Variants in TMSB10 observed in about 807,000 individuals in gnomAD.
TMSB10 encodes thymosin beta 10.
In TMSB10, 4 loss-of-function variants were observed where a neutral mutation model predicts 4.5. The ratio of observed to expected loss-of-function variants is 0.89; its 90% CI spans 0.44 to 2.03. TMSB10 has a LOEUF of 2.03. Ranked by LOEUF, TMSB10 falls within the 30% of genes most tolerant of loss-of-function variation. The pLI, the probability that TMSB10 is intolerant of heterozygous loss-of-function variation, is 0.03. For synonymous variants in TMSB10, 17 were observed against 20.3 expected (o/e 0.84, Z 0.44); for missense variants, 44 against 53.9 (o/e 0.82, Z 0.57).
In TMSB10 at chr2:84,906,215, G is replaced by C. The variant is rs576529499; in HGVS notation, c.100+98G>C. 26 of 1,464,092 alleles carry C rather than the reference G, an allele frequency of 1.8e-5. No homozygotes were observed. The Admixed American group carries it at 4.2e-4, about 24-fold the overall frequency. The allele number at this position is 1,464,092 out of a possible 1,614,324, so 90.7% of individuals were successfully genotyped here. ...ACCCCCCACCCCGCCGTTGTCCCCG[G>C]TGTGGGCGGCCCCGGCCACTCTTTC... On this transcript the variant is annotated intron_variant, in intron 2 of 2. Coordinates refer to ENST00000233143, the MANE Select transcript of TMSB10 (RefSeq NM_021103.4).
At chr2:84,905,822 G>T (rs1479574540) in intron 1 of TMSB10, 104 bp downstream of exon 1, 2 of 452,156 alleles carry the variant, frequency 4.4e-6, no homozygotes, top group Non-Finnish European at 7.9e-6. Flanking sequence ...CGGACCGGAC[G>T]CAGGGGCCGG....
At chr2:84,905,884 G>T (rs1683683997) in intron 1 of TMSB10, 119 bp from the exon 2 acceptor site, 2 of 748,616 alleles carry the variant, frequency 2.7e-6, no homozygotes, top group Admixed American at 2.9e-5. Context: ...CCAGATCCTC[G>T]GCCTTGGGGC....
Position 84,906,610 on chromosome 2 carries a change from G to T in TMSB10, c.*187G>T. The T allele has an allele frequency of 1.9e-6, 1 of 523,038 alleles. No individual in the cohort carries two copies. Among genetic ancestry groups the T allele is most frequent in the Non-Finnish European group, 3.2e-6 (1 of 309,416 alleles). 32.4% of individuals were successfully genotyped at this position (523,038 alleles called of 1,614,324 possible). A position where few individuals can be genotyped will look rare whatever the true frequency, so the allele number is the denominator to read the frequency against. On this transcript the variant is annotated 3_prime_UTR_variant, in exon 3 of 3. Coordinates refer to ENST00000233143, the MANE Select transcript of TMSB10 (RefSeq NM_021103.4). ...ATCGGACTGCCAAATTCTCCGGTTT[G>T]CCCCGGGATATTATAGAAAATTATT...
intron 1 of TMSB10, 61 bp from the exon 2 acceptor site, chr2:84,905,942 G>A (rs1683684901): frequency 2.1e-6 from 3 of 1,438,800 alleles, no homozygotes; most frequent in African/African-American, 1.4e-5. Context: ...GCGTCGGCGG[G>A]GAGCGCGGAA....
In TMSB10 at chr2:84,906,522, G is replaced by A; in HGVS notation, c.*99G>A. ...ATGGACACGAGCCACAAGCTGCACT[G>A]TGAACCTGGGCACTCCGCGCCGATG... is the stretch of plus-strand genomic sequence containing the variant. On this transcript the variant is annotated 3_prime_UTR_variant, in exon 3 of 3. Coordinates refer to ENST00000233143, the MANE Select transcript of TMSB10 (RefSeq NM_021103.4). The A allele has an allele frequency of 7.0e-7, 1 of 1,424,692 alleles. No individual in the cohort carries two copies. The highest frequency in any genetic ancestry group is 9.5e-7 in the Non-Finnish European group (1 of 1,057,224). The allele number at this position is 1,424,692 out of a possible 1,614,324, so 88.3% of individuals were successfully genotyped here.
At position 84,905,700 on chromosome 2, in the gene TMSB10, C is replaced by G. The variant is rs1038165079; in HGVS notation, c.-34C>G. Reference sequence around the variant, plus strand: ...CGAGTGGGAGCACCAGGATCTCGGGCTCGGAACGAGACTGCACGGTGAGTG... The same window carrying G: ...CGAGTGGGAGCACCAGGATCTCGGGGTCGGAACGAGACTGCACGGTGAGTG... On this transcript the variant is annotated 5_prime_UTR_variant, in exon 1 of 3. Coordinates refer to ENST00000233143, the MANE Select transcript of TMSB10 (RefSeq NM_021103.4). 3 of 197,956 alleles carry G rather than the reference C, an allele frequency of 1.5e-5. No homozygotes were observed. The highest frequency in any genetic ancestry group is 3.1e-5 in the Non-Finnish European group (3 of 97,120). 12.3% of individuals were successfully genotyped at this position (197,956 alleles called of 1,614,324 possible).
Position 84,906,477 on chromosome 2 carries a change from G to A in TMSB10, c.*54G>A, listed in dbSNP as rs893583895. The A allele has an allele frequency of 1.3e-6, 2 of 1,557,442 alleles. No individual in the cohort carries two copies. The highest frequency in any genetic ancestry group is 1.4e-5 in the African/African-American group (1 of 73,784). The stretch of plus-strand genomic sequence containing the variant: ...TCTTCGAGACCCCAGTCGTGATGTG[G>A]AGGAAGAGCCACCTGCAAGATGGAC... On this transcript the variant is annotated 3_prime_UTR_variant, in exon 3 of 3. Transcript: ENST00000233143.
intron 2 of TMSB10, 60 bp downstream of exon 2, chr2:84,906,177 A>C (rs1017988669): frequency 1.3e-6 from 2 of 1,541,268 alleles, no homozygotes; most frequent in Non-Finnish European, 1.8e-6. Flanking sequence ...CTTCCTTGCA[A>C]ACCCACTCCT....
In TMSB10 at chr2:84,906,579, C is replaced by T. The variant is rs1234210630; in HGVS notation, c.*156C>T. 5.5e-5 allele frequency: 37 copies of T among 678,700 alleles called. No homozygotes were observed. The highest frequency in any genetic ancestry group is 7.9e-5 in the Non-Finnish European group (36 of 455,758). The allele number at this position is 678,700 out of a possible 1,614,324, so 42.0% of individuals were successfully genotyped here. ...GCCTGTGGGTCTCTGAAGGGACCCCCCCCCAATCGGACTGCCAAATTCTCC... is the reference window on the plus strand; with the variant it reads ...GCCTGTGGGTCTCTGAAGGGACCCCTCCCCAATCGGACTGCCAAATTCTCC... On this transcript the variant is annotated 3_prime_UTR_variant, in exon 3 of 3. Transcript: ENST00000233143.
At position 84,906,540 on chromosome 2, in the gene TMSB10, C is replaced by A; in HGVS notation, c.*117C>A. 8.2e-7 allele frequency: 1 copy of A among 1,215,130 alleles called. No homozygotes were observed. The highest frequency in any genetic ancestry group is 1.1e-6 in the Non-Finnish European group (1 of 898,060). The allele number at this position is 1,215,130 out of a possible 1,614,324, so 75.3% of individuals were successfully genotyped here. On this transcript the variant is annotated 3_prime_UTR_variant, in exon 3 of 3. Transcript: ENST00000233143. ...CTGCACTGTGAACCTGGGCACTCCG[C>A]GCCGATGCCACCGGCCTGTGGGTCT...
At chr2:84,905,949 G>A (rs773647847) in intron 1 of TMSB10, 54 bp from the exon 2 acceptor site, 2 of 1,486,314 alleles carry the variant, frequency 1.3e-6, no homozygotes, top group East Asian at 2.3e-5. Context: ...CGGGGAGCGC[G>A]GAAGGGGACG....
In TMSB10 at chr2:84,906,463, C is replaced by T. The variant is rs746719668; in HGVS notation, c.*40C>T. 3 of 1,589,412 alleles carry T rather than the reference C, an allele frequency of 1.9e-6. No individual in the cohort carries two copies. In the East Asian group the frequency reaches 6.8e-5, roughly 36 times the overall value. On this transcript the variant is annotated 3_prime_UTR_variant, in exon 3 of 3. Coordinates refer to ENST00000233143, the MANE Select transcript of TMSB10 (RefSeq NM_021103.4). ...TCCTACCCCCGTCCTCTTCGAGACC[C>T]CAGTCGTGATGTGGAGGAAGAGCCA... is the stretch of plus-strand genomic sequence containing the variant.
chr2:84,906,467 T>G lies in TMSB10; in HGVS notation c.*44T>G. 6.3e-7 allele frequency: 1 copy of G among 1,582,722 alleles called. No homozygotes were observed. Among genetic ancestry groups the G allele is most frequent in the Non-Finnish European group, 8.6e-7 (1 of 1,167,080 alleles). On this transcript the variant is annotated 3_prime_UTR_variant, in exon 3 of 3. Transcript: ENST00000233143. ...ACCCCCGTCCTCTTCGAGACCCCAG[T>G]CGTGATGTGGAGGAAGAGCCACCTG...
chr2:84,906,096 A>G lies in TMSB10; in HGVS notation c.79A>G (p.Asn27Asp). The G allele has an allele frequency of 6.2e-7, 1 of 1,614,058 alleles. No individual in the cohort carries two copies. ...GAAGAAAACGGAGACGCAGGAGAAGAACACCCTGCCGACCAAAGAGAGTGA... is the reference window on the plus strand; with the variant it reads ...GAAGAAAACGGAGACGCAGGAGAAGGACACCCTGCCGACCAAAGAGAGTGA... ...KLKKTETQEK[N>D]TLPTKETIEQ... The change falls in exon 2 of 3, where the codon AAC becomes GAC. Residue 27 changes from asparagine to aspartate, a missense_variant. Coordinates refer to ENST00000233143, the MANE Select transcript of TMSB10 (RefSeq NM_021103.4).
intron 2 of TMSB10, 76 bp from the exon 3 acceptor site, chr2:84,906,313 G>A: frequency 1.3e-6 from 2 of 1,519,288 alleles, no homozygotes; most frequent in Non-Finnish European, 8.9e-7. Context: ...TGGGTGCCTC[G>A]CCCACACCGG....
rs1683699919 is a variant in TMSB10 at position 84,906,573 on chromosome 2, GA to G, written c.*151del. The stretch of plus-strand genomic sequence containing the variant: ...CCACCGGCCTGTGGGTCTCTGAAGG[GA>G]CCCCCCCCCAATCGGACTGCCAAAT... On this transcript the variant is annotated 3_prime_UTR_variant, in exon 3 of 3. Coordinates refer to ENST00000233143, the MANE Select transcript of TMSB10 (RefSeq NM_021103.4). The G allele has an allele frequency of 6.5e-6, 5 of 768,318 alleles. No homozygotes were observed. Among genetic ancestry groups the G allele is most frequent in the South Asian group, 2.8e-5 (1 of 35,858 alleles). The allele number at this position is 768,318 out of a possible 1,614,324, so 47.6% of individuals were successfully genotyped here.
At chr2:84,906,210 C>T (rs1683690203) in intron 2 of TMSB10, 93 bp downstream of exon 2, 2 of 1,469,824 alleles carry the variant, frequency 1.4e-6, no homozygotes, top group African/African-American at 2.8e-5. Flanking sequence ...CCGCCGTTGT[C>T]CCCGGTGTGG....
intron 1 of TMSB10, 134 bp from the exon 2 acceptor site, chr2:84,905,869 C>T (rs1683683814): frequency 3.1e-6 from 2 of 644,842 alleles, no homozygotes; most frequent in South Asian, 2.0e-5. Context: ...GGGTGCGGGA[C>T]GCGCCCAGAT....
intron 1 of TMSB10, 55 bp from the exon 2 acceptor site, chr2:84,905,948 C>T (rs1265189303): frequency 6.8e-7 from 1 of 1,479,410 alleles, no homozygotes; most frequent in African/African-American, 1.4e-5. Context: ...GCGGGGAGCG[C>T]GGAAGGGGAC....
Sources: gnomAD v4.1 joint callset for allele counts on GRCh38, gnomAD v4.1.1 for gene constraint, MANE v1.5 for transcripts, NCBI Gene and HGNC (gene_info 2026-07-23, HGNC 2026-07-21) for gene names.